Variants in ADAMTS17 observed in about 807,000 individuals in gnomAD.
The protein encoded by ADAMTS17 is A disintegrin and metalloproteinase with thrombospondin motifs 17.
A neutral mutation model predicts 141.5 loss-of-function variants in ADAMTS17; 113 were observed. That is an observed-to-expected ratio of 0.80 (90% CI 0.69 to 0.93). The LOEUF (loss-of-function observed/expected upper bound fraction) is 0.93. Among genes scored for constraint, ADAMTS17 ranks in the 40% least tolerant of loss-of-function variants. ADAMTS17 has a pLI of 0.00. For missense variants in ADAMTS17, 1,659 were observed against 1,517.9 expected (o/e 1.09, Z -1.54); for synonymous variants, 768 against 630.6 (o/e 1.22, Z -3.27).
At chr15:100,029,548 T>C (rs2029921684) in intron 18 of ADAMTS17, among the ~76,000 whole-genome samples, 1 of 152,202 alleles carries the variant, frequency 6.6e-6, no homozygotes, top group Admixed American at 6.5e-5. Context: ...GCTGCTGCCA[T>C]GCAACGCCTG....
In ADAMTS17 at chr15:100,152,634, G is replaced by T; in HGVS notation, c.1451C>A (p.Ala484Asp). The T allele has an allele frequency of 1.2e-6, 2 of 1,614,004 alleles. No individual in the cohort carries two copies. The highest frequency in any genetic ancestry group is 8.5e-7 in the Non-Finnish European group (1 of 1,180,032). ...EQCQILFGMN[A>D]TFCRNMEHLM... is the part of the protein sequence containing the mutation. Reference sequence around the variant, plus strand: ...TACCTCCATGTTTCTGCAGAAGGTGGCATTCATGCCAAACAGGATCTGGCA... The same window carrying T: ...TACCTCCATGTTTCTGCAGAAGGTGTCATTCATGCCAAACAGGATCTGGCA... Residue 484 changes from alanine to aspartate, a missense_variant, in exon 10 of 22, where the codon GCC becomes GAC. By Grantham distance (126) the Ala-to-Asp change is moderately radical. Transcript: ENST00000268070.
intron 18 of ADAMTS17, among the ~76,000 whole-genome samples, chr15:100,044,344 C>G (rs2031509887): frequency 6.6e-6 from 1 of 152,184 alleles, no homozygotes; most frequent in Non-Finnish European, 1.5e-5. Flanking sequence ...GAGTCTTGCT[C>G]ATTGTCAACA....
Position 100,341,836 on chromosome 15 carries a change from G to A in ADAMTS17, c.64C>T (p.Leu22=). 1 of 1,552,344 alleles carries A rather than the reference G, an allele frequency of 6.4e-7. No individual in the cohort carries two copies. Among genetic ancestry groups the A allele is most frequent in the Non-Finnish European group, 8.7e-7 (1 of 1,147,844 alleles). ...LPVLLLLVWG[L]DPGTAVGDAA... is the part of the protein sequence containing the mutation. The stretch of plus-strand genomic sequence containing the variant: ...GGGGCGCTACCTGTGCCCGGGTCCA[G>A]TCCCCAAACCAGCAGCAGCAGCACG... The change falls in exon 1 of 22, where the codon CTG becomes TTG. Residue 22 remains leucine (L), a synonymous_variant. Coordinates refer to ENST00000268070, the MANE Select transcript of ADAMTS17 (RefSeq NM_139057.4).
chr15:100,208,668 G>A (rs1200392634), intron 7 of ADAMTS17, among the ~76,000 whole-genome samples: 3 of 152,098 alleles, frequency 2.0e-5, no homozygotes, highest in African/African-American at 7.2e-5. Flanking sequence ...TCACTGAATA[G>A]TACACTTAGA....
At chr15:100,155,104 G>T (rs2039369433) in intron 9 of ADAMTS17, 76 bp downstream of exon 9, 2 of 1,604,994 alleles carry the variant, frequency 1.2e-6, no homozygotes, top group Admixed American at 3.3e-5. Context: ...CTTCACACTT[G>T]CTGAGACTCC....
intron 8 of ADAMTS17, among the ~76,000 whole-genome samples, chr15:100,164,754 G>C (rs944626900): frequency 6.6e-6 from 1 of 152,184 alleles, no homozygotes; most frequent in Non-Finnish European, 1.5e-5. Context: ...TCTCTGCAAT[G>C]AGCTAAGAGA....
At chr15:100,296,204 T>C (rs1436724674) in intron 3 of ADAMTS17, among the ~76,000 whole-genome samples, 9 of 152,018 alleles carry the variant, frequency 5.9e-5, no homozygotes, top group Non-Finnish European at 7.4e-5. Context: ...CACACGCACT[T>C]GCAAACAACA....
intron 14 of ADAMTS17, among the ~76,000 whole-genome samples, chr15:100,100,063 C>G (rs183647743): frequency 1.3e-3 from 193 of 149,326 alleles, no homozygotes; most frequent in South Asian, 3.3e-3. Context: ...GTAACGCCCA[C>G]CCTGTCTCTG....
intron 3 of ADAMTS17, among the ~76,000 whole-genome samples, chr15:100,315,568 G>A (rs1024817282): frequency 6.6e-6 from 1 of 152,158 alleles, no homozygotes; most frequent in Admixed American, 6.5e-5. Context: ...AGCTGTGATG[G>A]CTCACACCTA....
chr15:100,052,053 C>T (rs1001342723), intron 16 of ADAMTS17, among the ~76,000 whole-genome samples: 5 of 152,236 alleles, frequency 3.3e-5, no homozygotes, highest in Non-Finnish European at 7.3e-5. Flanking sequence ...TGGAGAGCTG[C>T]GTCACGCAGA....
intron 3 of ADAMTS17, among the ~76,000 whole-genome samples, chr15:100,328,843 C>T (rs1163111266): frequency 6.6e-6 from 1 of 152,168 alleles, no homozygotes; most frequent in African/African-American, 2.4e-5. Context: ...GGACTAGAGT[C>T]TGATGAACGG....
At chr15:100,154,298 G>A (rs2039327916) in intron 9 of ADAMTS17, among the ~76,000 whole-genome samples, 2 of 152,208 alleles carry the variant, frequency 1.3e-5, no homozygotes, top group African/African-American at 4.8e-5. Flanking sequence ...TACTCAGTGG[G>A]AAGTAGACTA....
intron 3 of ADAMTS17, among the ~76,000 whole-genome samples, chr15:100,302,379 C>T (rs2045070815): frequency 6.6e-6 from 1 of 152,186 alleles, no homozygotes; most frequent in Admixed American, 6.5e-5. Context: ...CGTTCTTACT[C>T]AAGTTTCTGT....
chr15:100,324,184 G>A (rs1596526153), intron 3 of ADAMTS17, among the ~76,000 whole-genome samples: 1 of 151,914 alleles, frequency 6.6e-6, no homozygotes, highest in Non-Finnish European at 1.5e-5. Flanking sequence ...GGGCACCTGT[G>A]GTCCCAGCTA....
intron 8 of ADAMTS17, among the ~76,000 whole-genome samples, chr15:100,158,564 G>C (rs980182888): frequency 6.6e-6 from 1 of 152,012 alleles, no homozygotes; most frequent in Non-Finnish European, 1.5e-5. Context: ...ACTGAAACTC[G>C]ATGCTTACTG....
chr15:100,335,767 G>A (rs1198449732), intron 2 of ADAMTS17, among the ~76,000 whole-genome samples: 1 of 152,212 alleles, frequency 6.6e-6, no homozygotes, highest in Non-Finnish European at 1.5e-5. Context: ...GCCTTGCAGG[G>A]CTATGTTATT....
rs542979513 is a variant in ADAMTS17 at position 100,077,369 on chromosome 15, C to T, written c.2137+18987G>A. On this transcript the variant is annotated intron_variant, in intron 15 of 21. Transcript: ENST00000268070. ...CCCAGCTACTCAGGAGGCTGAGGCA[C>T]GAGAATCGCTTGAACCCGGTGGGCA... Among the ~76,000 whole-genome samples, 226 of 146,738 alleles carry T rather than the reference C, an allele frequency of 1.5e-3. 1 individual carries two copies. Among genetic ancestry groups the T allele is most frequent in the Non-Finnish European group, 3.0e-3 (201 of 67,318 alleles).
At chr15:100,245,392 G>C (rs565967945) in intron 7 of ADAMTS17, among the ~76,000 whole-genome samples, 13 of 152,352 alleles carry the variant, frequency 8.5e-5, no homozygotes, top group African/African-American at 2.9e-4. Context: ...CCTGCAAGGG[G>C]AGCTGCTTTG....
intron 18 of ADAMTS17, among the ~76,000 whole-genome samples, chr15:100,002,535 C>T (rs2060950164): frequency 6.6e-6 from 1 of 152,044 alleles, no homozygotes; most frequent in African/African-American, 2.4e-5. Context: ...GCTCAGCAGT[C>T]CTGCCCTGAT....
Sources: allele counts gnomAD v4.1 joint callset (sites outside exome capture counted in the v4.1 genomes callset), GRCh38; gene constraint gnomAD v4.1.1; transcripts MANE v1.5; gene names NCBI Gene and HGNC (gene_info 2026-07-23, HGNC 2026-07-21).